C5orf24: variants seen among roughly 807,000 people sequenced by gnomAD.
The protein encoded by C5orf24 is chromosome 5 open reading frame 24.
C5orf24 carries 4 observed loss-of-function variants against 9.8 expected under a neutral mutation model. The ratio of observed to expected loss-of-function variants is 0.41; its 90% CI spans 0.20 to 0.93. The LOEUF (loss-of-function observed/expected upper bound fraction) is 0.93. C5orf24 is among the 40% of genes least tolerant of loss of function. C5orf24 has a pLI of 0.33. For missense variants in C5orf24, 170 were observed against 236.9 expected, an observed-to-expected ratio of 0.72 and a Z score of 1.85; for synonymous variants, 73 against 81.3, an observed-to-expected ratio of 0.90 and a Z score of 0.55.
In C5orf24 at chr5:134,856,971, AT is replaced by A. The variant is rs1193378441; in HGVS notation, c.*1512del. On this transcript the variant is annotated 3_prime_UTR_variant, in exon 2 of 2. Transcript: ENST00000394976. ...CCAGTGAGACCATCTCATCCAAAAG[AT>A]TTTTTTTCCCCCAATGATGTTTGCT... The A allele has an allele frequency of 9.9e-6, 10 of 1,005,324 alleles. No individual in the cohort carries two copies. Among genetic ancestry groups the A allele is most frequent in the South Asian group, 4.7e-5 (1 of 21,486 alleles). The allele number at this position is 1,005,324 out of a possible 1,614,324, so 62.3% of individuals were successfully genotyped here.
chr5:134,854,368 C>T (rs1756250086), intron 1 of C5orf24, among the ~76,000 whole-genome samples: 2 of 152,142 alleles, frequency 1.3e-5, no homozygotes, highest in South Asian at 4.1e-4. Context: ...GTAACATATA[C>T]TCAGGGTTCT....
At chr5:134,854,625 C>T (rs1756259257) in intron 1 of C5orf24, among the ~76,000 whole-genome samples, 1 of 152,164 alleles carries the variant, frequency 6.6e-6, no homozygotes, top group South Asian at 2.1e-4. Context: ...ACACACTTTT[C>T]TGGTTCCTAA....
At position 134,855,426 on chromosome 5, in the gene C5orf24, G is replaced by T. The variant is rs1169823526; in HGVS notation, c.526G>T (p.Val176Leu). The T allele has an allele frequency of 1.4e-5, 22 of 1,614,110 alleles. No individual in the cohort carries two copies. Among genetic ancestry groups the T allele is most frequent in the Non-Finnish European group, 1.9e-5 (22 of 1,180,050 alleles). ...GATGCATGGCAGAGCAGTTCATGGG[G>T]TAGAGGAAACTAGCAGTGAAGTCAA... ...PMMHGRAVHG[V>L]EETSSEVKPP... Residue 176 changes from valine (V) to leucine (L), a missense_variant, in exon 2 of 2, where the codon GTA (valine) becomes TTA (leucine). Coordinates refer to ENST00000394976, the MANE Select transcript of C5orf24 (RefSeq NM_001135586.1).
chr5:134,839,036 C>G, the C5orf24 span, among the ~76,000 whole-genome samples: 2 of 151,986 alleles, frequency 1.3e-5, no homozygotes, highest in Non-Finnish European at 2.9e-5. Flanking sequence ...TGAGGAAACC[C>G]TGTCTCTACA....
At position 134,856,359 on chromosome 5, in the gene C5orf24, C is replaced by T. The variant is rs1756312435; in HGVS notation, c.*892C>T. ...AGTTTTAAAGTATTATGTTTAAAAA[C>T]ATTTATTGGCTGGGTGTGGTGGCTC... On this transcript the variant is annotated 3_prime_UTR_variant, in exon 2 of 2. Coordinates refer to ENST00000394976, the MANE Select transcript of C5orf24 (RefSeq NM_001135586.1). 2.5e-5 allele frequency: 25 copies of T among 983,320 alleles called. No individual in the cohort carries two copies. The highest frequency in any genetic ancestry group is 2.9e-5 in the Non-Finnish European group (24 of 814,944). 60.9% of individuals were successfully genotyped at this position (983,320 alleles called of 1,614,324 possible).
At chr5:134,834,018 G>T in the C5orf24 span, among the ~76,000 whole-genome samples, 2 of 151,980 alleles carry the variant, frequency 1.3e-5, no homozygotes, top group African/African-American at 2.4e-5. Context: ...AAAAAGGGAA[G>T]TTTAACCTTT....
chr5:134,843,753 C>T (rs1249832215), upstream of C5orf24, among the ~76,000 whole-genome samples: 1 of 152,040 alleles, frequency 6.6e-6, no homozygotes, highest in Non-Finnish European at 1.5e-5. Context: ...CAGGGTTTCA[C>T]CATGTTGGCC....
At chr5:134,854,864 G>A (rs1436878212) in intron 1 of C5orf24, 34 bp from the exon 2 acceptor site, 20 of 1,603,386 alleles carry the variant, frequency 1.2e-5, no homozygotes, top group Non-Finnish European at 1.7e-5. Flanking sequence ...TTGTGTGTGT[G>A]TATTTATATA....
chr5:134,850,937 T>TATATATATATATACACAC (rs762710710), intron 1 of C5orf24, among the ~76,000 whole-genome samples: 14 of 146,990 alleles, frequency 9.5e-5, no homozygotes, highest in African/African-American at 3.0e-4. Flanking sequence ...TATATATATA[T>TATATATATATATACACAC]ACACACACAC....
At chr5:134,849,311 C>G (rs1756089409) in intron 1 of C5orf24, among the ~76,000 whole-genome samples, 2 of 151,918 alleles carry the variant, frequency 1.3e-5, no homozygotes, top group African/African-American at 4.8e-5. Context: ...AGGAGGAAGG[C>G]ATTATGGAGT....
chr5:134,856,275 G>C lies in C5orf24; in HGVS notation c.*808G>C, dbSNP rs1286758759. 1.0e-6 allele frequency: 1 copy of C among 995,118 alleles called. No individual in the cohort carries two copies. The highest frequency in any genetic ancestry group is 1.8e-5 in the African/African-American group (1 of 57,110). The allele number at this position is 995,118 out of a possible 1,614,324, so 61.6% of individuals were successfully genotyped here. ...TAGCATATTTCATATAATAGAAAAAGAAGCATTCTCTAGGTTTGCATGTAG... is the reference window on the plus strand; with the variant it reads ...TAGCATATTTCATATAATAGAAAAACAAGCATTCTCTAGGTTTGCATGTAG... On this transcript the variant is annotated 3_prime_UTR_variant, in exon 2 of 2. Coordinates refer to ENST00000394976, the MANE Select transcript of C5orf24 (RefSeq NM_001135586.1).
chr5:134,835,124 C>T, the C5orf24 span, among the ~76,000 whole-genome samples: 2 of 151,372 alleles, frequency 1.3e-5, no homozygotes, highest in African/African-American at 2.4e-5. Flanking sequence ...GAGAACTGCT[C>T]GAGCCCAGGA....
the C5orf24 span, among the ~76,000 whole-genome samples, chr5:134,839,927 C>G: frequency 6.6e-6 from 1 of 152,122 alleles, no homozygotes; most frequent in Non-Finnish European, 1.5e-5. Context: ...AACTCCTGAC[C>G]TCAAGTGATC....
chr5:134,856,170 A>G lies in C5orf24; in HGVS notation c.*703A>G, dbSNP rs1354253205. ...GCATATATACCAAACACTACAAACA[A>G]TTCATATTTACAGAAAATTTAAACT... is the stretch of plus-strand genomic sequence containing the variant. On this transcript the variant is annotated 3_prime_UTR_variant, in exon 2 of 2. Coordinates refer to ENST00000394976, the MANE Select transcript of C5orf24 (RefSeq NM_001135586.1). 2.0e-6 allele frequency: 2 copies of G among 996,896 alleles called. No individual in the cohort carries two copies. The highest frequency in any genetic ancestry group is 4.7e-5 in the South Asian group (1 of 21,230). 61.8% of individuals were successfully genotyped at this position (996,896 alleles called of 1,614,324 possible). A position where few individuals can be genotyped will look rare whatever the true frequency, so the allele number is the denominator to read the frequency against.
intron 1 of C5orf24, among the ~76,000 whole-genome samples, chr5:134,848,585 C>T (rs1287995144): frequency 2.7e-5 from 4 of 145,966 alleles, no homozygotes; most frequent in Admixed American, 2.1e-4. Flanking sequence ...TGCTTGAACC[C>T]GGGAGGTGGA....
chr5:134,834,117 A>T, the C5orf24 span, among the ~76,000 whole-genome samples: 7 of 152,228 alleles, frequency 4.6e-5, no homozygotes, highest in African/African-American at 1.4e-4. Flanking sequence ...ATCATTTTTA[A>T]TATATAGAAA....
At chr5:134,850,464 A>G (rs558685568) in intron 1 of C5orf24, among the ~76,000 whole-genome samples, 1 of 149,496 alleles carries the variant, frequency 6.7e-6, no homozygotes, top group South Asian at 2.1e-4. Context: ...ATGCTTTTTA[A>G]AAATTGCAAG....
Position 134,855,708 on chromosome 5 carries a change from C to T in C5orf24, c.*241C>T. The T allele has an allele frequency of 7.2e-7, 1 of 1,389,278 alleles. No individual in the cohort carries two copies. The highest frequency in any genetic ancestry group is 9.3e-7 in the Non-Finnish European group (1 of 1,070,360). 86.1% of individuals were successfully genotyped at this position (1,389,278 alleles called of 1,614,324 possible). A position where few individuals can be genotyped will look rare whatever the true frequency, so the allele number is the denominator to read the frequency against. On this transcript the variant is annotated 3_prime_UTR_variant, in exon 2 of 2. Transcript: ENST00000394976. ...GTAACACCTAACTAAATCATTTTTC[C>T]TTTTCCTTTAGAGTTATGGTCATGT... is the stretch of plus-strand genomic sequence containing the variant.
rs1756393055 is a variant in C5orf24, at chr5:134,859,503, G to C, written c.*4036G>C. The C allele has an allele frequency of 6.0e-6, 1 of 166,918 alleles. No homozygotes were observed. The highest frequency in any genetic ancestry group is 2.4e-5 in the African/African-American group (1 of 41,438). The allele number at this position is 166,918 out of a possible 1,614,324, so 10.3% of individuals were successfully genotyped here. ...TCACTTTGATTCTTTTAAGTTTTCA[G>C]AATTTCTTTTTTCCACAGGTAATTT... On this transcript the variant is annotated 3_prime_UTR_variant, in exon 2 of 2. Transcript: ENST00000394976.
Sources: allele counts gnomAD v4.1 joint callset (sites outside exome capture counted in the v4.1 genomes callset), GRCh38; gene constraint gnomAD v4.1.1; transcripts MANE v1.5; gene names NCBI Gene and HGNC (gene_info 2026-07-23, HGNC 2026-07-21).